The following PLXDC2 variants were observed in gnomAD, a reference collection of about 807,000 sequenced individuals.
PLXDC2 encodes plexin domain-containing protein 2.
In PLXDC2, 40 loss-of-function variants were observed where a neutral mutation model predicts 68.9. That is an observed-to-expected ratio of 0.58 (90% confidence interval 0.45 to 0.76). The LOEUF is 0.76. Among genes scored for constraint, PLXDC2 ranks in the 30% least tolerant of loss-of-function variants. PLXDC2 has a pLI of 0.00. For missense variants in PLXDC2, 644 were observed against 661.9 expected (o/e 0.97, Z 0.30); for synonymous variants, 243 against 234.2 (o/e 1.04, Z -0.34).
intron 13 of PLXDC2, among the ~76,000 whole-genome samples, chr10:20,262,955 G>C (rs1835827871): frequency 6.6e-6 from 1 of 152,212 alleles, no homozygotes; most frequent in Non-Finnish European, 1.5e-5. Flanking sequence ...ACATCTGAAA[G>C]CTCTCTGCTA....
intron 4 of PLXDC2, among the ~76,000 whole-genome samples, chr10:20,088,809 C>G (rs1589623650): frequency 6.6e-6 from 1 of 152,176 alleles, no homozygotes; most frequent in African/African-American, 2.4e-5. Flanking sequence ...GTGCCTAGAG[C>G]AGTCCTTAGC....
chr10:20,042,388 T>G (rs1342448317), intron 2 of PLXDC2, among the ~76,000 whole-genome samples: 1 of 152,214 alleles, frequency 6.6e-6, no homozygotes, highest in Admixed American at 6.5e-5. Context: ...ATCACTCTTA[T>G]AAGGATGCAA....
At chr10:20,165,550 T>C (rs1228166312) in intron 7 of PLXDC2, among the ~76,000 whole-genome samples, 1 of 152,132 alleles carries the variant, frequency 6.6e-6, no homozygotes, top group African/African-American at 2.4e-5. Context: ...GTTCTTGTGA[T>C]AGTTTACTGA....
chr10:19,935,569 A>G (rs1371355423), intron 1 of PLXDC2, among the ~76,000 whole-genome samples: 1 of 152,170 alleles, frequency 6.6e-6, no homozygotes, highest in African/African-American at 2.4e-5. Context: ...ACATCTGGCT[A>G]TTCCCATCAG....
intron 4 of PLXDC2, among the ~76,000 whole-genome samples, chr10:20,115,332 G>A (rs1055740969): frequency 6.6e-6 from 1 of 152,150 alleles, no homozygotes; most frequent in South Asian, 2.1e-4. Flanking sequence ...TGAGTGTGGG[G>A]CACCTAAGCT....
intron 4 of PLXDC2, among the ~76,000 whole-genome samples, chr10:20,098,108 C>T (rs2131736480): frequency 6.6e-6 from 1 of 152,000 alleles, no homozygotes; most frequent in African/African-American, 2.4e-5. Flanking sequence ...TAACAAGTTA[C>T]AAACTGGGTG....
At position 20,176,986 on chromosome 10, in the gene PLXDC2, C is replaced by CA. The variant is rs754623799; in HGVS notation, c.884-13_884-12insA. Reference sequence around the variant, plus strand: ...AAAGGTTAAAAATTGATTTTTTTTCCTTTTTTTTCTAGATGTTCGAAGAAG... The same window carrying CA: ...AAAGGTTAAAAATTGATTTTTTTTCCATTTTTTTTCTAGATGTTCGAAGAAG... On this transcript the variant is annotated splice_polypyrimidine_tract_variant and intron_variant, in intron 7 of 13. Coordinates refer to ENST00000377252, the MANE Select transcript of PLXDC2 (RefSeq NM_032812.9). 1 of 1,556,040 alleles carries CA rather than the reference C, an allele frequency of 6.4e-7. No individual in the cohort carries two copies. Among genetic ancestry groups the CA allele is most frequent in the Non-Finnish European group, 8.7e-7 (1 of 1,145,964 alleles).
Position 20,258,864 on chromosome 10 carries a change from C to T in PLXDC2, c.1473+13359C>T, listed in dbSNP as rs535449302. On this transcript the variant is annotated intron_variant, in intron 13 of 13. Transcript: ENST00000377252. Reference sequence around the variant, plus strand: ...CTACCAAAAAATAGAAAAAATTAGCCGGGCGTGGTGGCAGGCGCTTGTAGT... The same window carrying T: ...CTACCAAAAAATAGAAAAAATTAGCTGGGCGTGGTGGCAGGCGCTTGTAGT... Among the ~76,000 whole-genome samples, 6 of 151,984 alleles carry T rather than the reference C, an allele frequency of 3.9e-5. No individual in the cohort carries two copies. In the South Asian group the frequency reaches 1.0e-3, roughly 26 times the overall value.
At chr10:19,820,507 G>C (rs1172652761) in intron 1 of PLXDC2, among the ~76,000 whole-genome samples, 1 of 151,992 alleles carries the variant, frequency 6.6e-6, no homozygotes, top group Admixed American at 6.6e-5. Context: ...GGTGGCGGGC[G>C]CCTGTAGTCC....
chr10:20,119,556 C>T (rs1355053908), intron 4 of PLXDC2, among the ~76,000 whole-genome samples: 3 of 145,808 alleles, frequency 2.1e-5, no homozygotes, highest in African/African-American at 7.3e-5. Context: ...TGTGTACGTG[C>T]AGGTCACAGG....
intron 4 of PLXDC2, among the ~76,000 whole-genome samples, chr10:20,122,019 G>T (rs1347991800): frequency 6.6e-6 from 1 of 151,914 alleles, no homozygotes; most frequent in Non-Finnish European, 1.5e-5. Flanking sequence ...TAAGGTGGGG[G>T]AATACAAGAG....
chr10:20,059,358 T>A (rs1836058131), intron 3 of PLXDC2, among the ~76,000 whole-genome samples: 2 of 152,168 alleles, frequency 1.3e-5, no homozygotes, highest in Admixed American at 1.3e-4. Flanking sequence ...GGCAAGCTAC[T>A]GTAGTCATGT....
At chr10:19,967,466 A>G (rs181693508) in intron 1 of PLXDC2, among the ~76,000 whole-genome samples, 10 of 152,280 alleles carry the variant, frequency 6.6e-5, no homozygotes, top group Admixed American at 2.0e-4. Context: ...TTAAACCCAG[A>G]AAAAACACTA....
At chr10:20,261,130 T>A (rs1194092364) in intron 13 of PLXDC2, among the ~76,000 whole-genome samples, 1 of 152,212 alleles carries the variant, frequency 6.6e-6, no homozygotes. Flanking sequence ...AAATATTTTA[T>A]CAAAATCCAT....
chr10:19,989,089 C>A (rs543562382), intron 1 of PLXDC2, among the ~76,000 whole-genome samples: 44 of 152,148 alleles, frequency 2.9e-4, no homozygotes, highest in African/African-American at 9.6e-4. Flanking sequence ...CATGAGCCAC[C>A]GCACCTGGCC....
intron 6 of PLXDC2, among the ~76,000 whole-genome samples, chr10:20,161,171 A>G (rs146697876): frequency 6.6e-6 from 1 of 152,208 alleles, no homozygotes; most frequent in Non-Finnish European, 1.5e-5. Context: ...TCCATTTCTT[A>G]TTTCTCACAA....
chr10:19,856,379 GACACACACACACAC>G (rs34129216), intron 1 of PLXDC2, among the ~76,000 whole-genome samples: 3 of 144,126 alleles, frequency 2.1e-5, no homozygotes, highest in African/African-American at 5.1e-5. Flanking sequence ...CACACACACA[GACACACACACACAC>G]ACACACACAC....
intron 2 of PLXDC2, among the ~76,000 whole-genome samples, chr10:20,035,064 T>G (rs1414915805): frequency 6.6e-6 from 1 of 152,228 alleles, no homozygotes; most frequent in African/African-American, 2.4e-5. Context: ...TATTCACATG[T>G]TTATCTCAAG....
chr10:20,240,851 G>C lies in PLXDC2; in HGVS notation c.1313-4494G>C, dbSNP rs1388099248. 2.0e-5 allele frequency among the ~76,000 whole-genome samples: 3 copies of C among 152,144 alleles called. No homozygotes were observed. In the East Asian group the frequency reaches 5.8e-4, roughly 29 times the overall value. On this transcript the variant is annotated intron_variant, in intron 12 of 13. Coordinates refer to ENST00000377252, the MANE Select transcript of PLXDC2 (RefSeq NM_032812.9). Reference sequence around the variant, plus strand: ...AATAGTCATTGGTATGTGACACAAAGAAAGTCTTGTAATATTTTGGAGTTG... The same window carrying C: ...AATAGTCATTGGTATGTGACACAAACAAAGTCTTGTAATATTTTGGAGTTG...
Sources: gnomAD v4.1 joint callset for allele counts (sites outside exome capture counted in the v4.1 genomes callset) on GRCh38, gnomAD v4.1.1 for gene constraint, MANE v1.5 for transcripts, NCBI Gene and HGNC (gene_info 2026-07-23, HGNC 2026-07-21) for gene names.